Variants in MAP2K6 observed in about 807,000 individuals in gnomAD.
The protein encoded by MAP2K6 is mitogen-activated protein kinase kinase 6.
MAP2K6 carries 16 observed loss-of-function variants against 53.7 expected under a neutral mutation model. The ratio of observed to expected loss-of-function variants is 0.30; its 90% CI spans 0.20 to 0.45. MAP2K6 has a LOEUF of 0.45. MAP2K6 is among the 20% of genes least tolerant of loss of function. The pLI, the probability that MAP2K6 is intolerant of heterozygous loss-of-function variation, is 1.00. For missense variants in MAP2K6, 204 were observed against 411.9 expected (o/e 0.50, Z 4.37); for synonymous variants, 132 against 143.1 (o/e 0.92, Z 0.55).
At chr17:69,538,333 AT>A (rs749040070) in intron 11 of MAP2K6, among the ~76,000 whole-genome samples, 4 of 152,264 alleles carry the variant, frequency 2.6e-5, no homozygotes, top group Non-Finnish European at 5.9e-5. Context: ...CAAATTCTAC[AT>A]TTGTAATATG....
At chr17:69,468,860 G>A (rs1052690547) in intron 1 of MAP2K6, among the ~76,000 whole-genome samples, 1 of 152,136 alleles carries the variant, frequency 6.6e-6, no homozygotes, top group Non-Finnish European at 1.5e-5. Context: ...ACAAAAGGCG[G>A]GTTGAACAAG....
intron 1 of MAP2K6, among the ~76,000 whole-genome samples, chr17:69,440,523 TTAA>T (rs1906783875): frequency 6.6e-6 from 1 of 152,188 alleles, no homozygotes; most frequent in Non-Finnish European, 1.5e-5. Context: ...TACTTTCTCT[TTAA>T]TACTAACATT....
At chr17:69,512,328 G>GTTTTTT (rs796414361) in intron 2 of MAP2K6, among the ~76,000 whole-genome samples, 9,491 of 74,618 alleles carry the variant, frequency 0.13, 2,089 homozygotes, top group Non-Finnish European at 0.16. Flanking sequence ...CTTTCTAAGT[G>GTTTTTT]TTTTTTTTTT....
chr17:69,419,513 A>C (rs1404530557), intron 1 of MAP2K6, among the ~76,000 whole-genome samples: 1 of 152,230 alleles, frequency 6.6e-6, no homozygotes, highest in Non-Finnish European at 1.5e-5. Context: ...CAGTTTGATG[A>C]AAGCTATTAA....
At chr17:69,465,569 A>T (rs1907767723) in intron 1 of MAP2K6, among the ~76,000 whole-genome samples, 1 of 151,734 alleles carries the variant, frequency 6.6e-6, no homozygotes, top group East Asian at 1.9e-4. Context: ...AGAGGTGACA[A>T]GGTAGGGGAT....
At chr17:69,490,877 A>G (rs1598287083) in intron 1 of MAP2K6, among the ~76,000 whole-genome samples, 1 of 150,410 alleles carries the variant, frequency 6.6e-6, no homozygotes, top group East Asian at 2.0e-4. Flanking sequence ...CCCTCCTTCC[A>G]CCCTCTGATA....
intron 1 of MAP2K6, among the ~76,000 whole-genome samples, chr17:69,446,654 C>T (rs910705124): frequency 3.3e-5 from 5 of 152,084 alleles, no homozygotes; most frequent in Non-Finnish European, 5.9e-5. Flanking sequence ...ATTGCAGAGT[C>T]GGGATGCCAA....
intron 1 of MAP2K6, among the ~76,000 whole-genome samples, chr17:69,498,231 A>G (rs1909018566): frequency 6.6e-6 from 1 of 152,210 alleles, no homozygotes; most frequent in African/African-American, 2.4e-5. Context: ...GGGATGTGAC[A>G]AGAGCCTTGG....
intron 1 of MAP2K6, among the ~76,000 whole-genome samples, chr17:69,441,253 C>G (rs1412816586): frequency 6.6e-6 from 1 of 152,114 alleles, no homozygotes; most frequent in South Asian, 2.1e-4. Flanking sequence ...TTCTCTTCTT[C>G]TTTTGAGATT....
intron 1 of MAP2K6, among the ~76,000 whole-genome samples, chr17:69,475,052 C>A (rs1908098461): frequency 6.6e-6 from 1 of 152,068 alleles, no homozygotes; most frequent in Admixed American, 6.5e-5. Flanking sequence ...CTGATTCCTG[C>A]CCTCAAAGCA....
intron 2 of MAP2K6, among the ~76,000 whole-genome samples, chr17:69,513,147 A>G (rs1209918223): frequency 6.6e-6 from 1 of 152,194 alleles, no homozygotes; most frequent in African/African-American, 2.4e-5. Flanking sequence ...CACAGTGTCA[A>G]CTAATCCAAT....
In MAP2K6 at chr17:69,552,566, T is replaced by G. The variant is rs2144897697; in HGVS notation, c.*10813T>G. 6.6e-6 allele frequency: 1 copy of G among 152,324 alleles called. No individual in the cohort carries two copies. Among genetic ancestry groups the G allele is most frequent in the Admixed American group, 6.5e-5 (1 of 15,302 alleles). 9.4% of individuals were successfully genotyped at this position (152,324 alleles called of 1,614,324 possible). A position where few individuals can be genotyped will look rare whatever the true frequency, so the allele number is the denominator to read the frequency against. ...ACCTGTAAAGCATGTGGGTGGAATG[T>G]TTCCATGCTCTTGAGGTGAATATTA... is the stretch of plus-strand genomic sequence containing the variant. On this transcript the variant is annotated 3_prime_UTR_variant, in exon 12 of 12. Transcript: ENST00000590474.
At chr17:69,478,352 G>C (rs1008321626) in intron 1 of MAP2K6, among the ~76,000 whole-genome samples, 1 of 152,196 alleles carries the variant, frequency 6.6e-6, no homozygotes, top group Non-Finnish European at 1.5e-5. Context: ...GGATATCACT[G>C]TGTAACTTAC....
chr17:69,422,200 C>T (rs1357848085), intron 1 of MAP2K6, among the ~76,000 whole-genome samples: 1 of 140,256 alleles, frequency 7.1e-6, no homozygotes, highest in African/African-American at 2.7e-5. Context: ...GGTGCAACCT[C>T]AGCTCACTGA....
At chr17:69,504,075 A>T (rs924975146) in intron 1 of MAP2K6, among the ~76,000 whole-genome samples, 13 of 152,156 alleles carry the variant, frequency 8.5e-5, no homozygotes, top group African/African-American at 3.1e-4. Context: ...TCTGATTCTG[A>T]CTGGGTCATT....
At chr17:69,417,012 A>C (rs1025174966) in intron 1 of MAP2K6, among the ~76,000 whole-genome samples, 2 of 152,204 alleles carry the variant, frequency 1.3e-5, no homozygotes, top group Non-Finnish European at 2.9e-5. Flanking sequence ...TGGATCAGGT[A>C]CTGGTGGTCC....
chr17:69,484,579 A>G (rs1176394258), intron 1 of MAP2K6, among the ~76,000 whole-genome samples: 1 of 152,126 alleles, frequency 6.6e-6, no homozygotes, highest in Non-Finnish European at 1.5e-5. Flanking sequence ...TCATAGGTAT[A>G]TACTCAAGAG....
rs200064105 is a variant in MAP2K6, at chr17:69,517,533, A to T, written c.166A>T (p.Ile56Leu). The T allele has an allele frequency of 3.4e-4, 543 of 1,611,224 alleles. 4 individuals carry two copies. Among genetic ancestry groups the T allele is most frequent in the South Asian group, 2.4e-3 (222 of 90,752 alleles). Reference protein sequence around the residue: ...FEVKADDLEPIMELGRGAYGV... With the variant: ...FEVKADDLEPLMELGRGAYGV... The stretch of plus-strand genomic sequence containing the variant: ...GGTGAAGGCAGATGACCTGGAGCCT[A>T]TAATGGAACTGGGACGAGGTGCGTA... The change falls in exon 4 of 12, where the codon ATA (isoleucine) becomes TTA (leucine). Residue 56 changes from isoleucine to leucine, a missense_variant. Coordinates refer to ENST00000590474, the MANE Select transcript of MAP2K6 (RefSeq NM_002758.4).
intron 1 of MAP2K6, among the ~76,000 whole-genome samples, chr17:69,454,030 A>G (rs1907318613): frequency 6.6e-6 from 1 of 152,244 alleles, no homozygotes; most frequent in Admixed American, 6.5e-5. Context: ...ATGGCCCTCC[A>G]GTTATAGCCA....
Sources: allele counts gnomAD v4.1 joint callset (sites outside exome capture counted in the v4.1 genomes callset), GRCh38; gene constraint gnomAD v4.1.1; transcripts MANE v1.5; gene names NCBI Gene and HGNC (gene_info 2026-07-23, HGNC 2026-07-21).